The following GBE1 variants were observed in gnomAD, a reference collection of about 807,000 sequenced individuals.
GBE1 encodes the protein 1,4-alpha-glucan branching enzyme 1, also known as 1,4-alpha-glucan-branching enzyme.
A neutral mutation model predicts 88.8 loss-of-function variants in GBE1; 70 were observed. The observed-to-expected ratio is 0.79, with a 90% CI of 0.65 to 0.96. GBE1 has a LOEUF of 0.96. GBE1 is among the 40% of genes least tolerant of loss of function. The probability of loss-of-function intolerance (pLI) is 0.00; values close to 1 mark genes in which losing one functional copy is unlikely to be tolerated. For missense variants in GBE1, 872 were observed against 871.0 expected (o/e 1.00, Z -0.01); for synonymous variants, 284 against 300.1 (o/e 0.95, Z 0.56).
intron 11 of GBE1, 114 bp from the exon 12 acceptor site, chr3:81,578,210 G>T: frequency 1.4e-6 from 1 of 708,990 alleles, no homozygotes; most frequent in Non-Finnish European, 2.2e-6. Context: ...GAAGAGGTGT[G>T]TAGATTAATA....
chr3:81,552,521 A>T (rs1472051916), intron 12 of GBE1, among the ~76,000 whole-genome samples: 23 of 2,788 alleles, frequency 8.2e-3, no homozygotes, highest in East Asian at 0.038. Context: ...TATCTTATAT[A>T]AAAAAAAAAA....
intron 14 of GBE1, among the ~76,000 whole-genome samples, chr3:81,508,865 G>T (rs541975709): frequency 6.6e-6 from 1 of 152,162 alleles, no homozygotes; most frequent in Admixed American, 6.5e-5. Flanking sequence ...TGCTAACTGT[G>T]TGTCTCTGAG....
At chr3:81,674,210 A>G (rs2107119601) in intron 2 of GBE1, among the ~76,000 whole-genome samples, 1 of 151,974 alleles carries the variant, frequency 6.6e-6, no homozygotes, top group Non-Finnish European at 1.5e-5. Context: ...ATGGGCACCA[A>G]CCAGAATATC....
At chr3:81,687,702 T>C (rs182023840) in intron 2 of GBE1, among the ~76,000 whole-genome samples, 4 of 152,256 alleles carry the variant, frequency 2.6e-5, no homozygotes, top group South Asian at 2.1e-4. Flanking sequence ...TCCCAAAAGC[T>C]ATGCAAAAGC....
intron 7 of GBE1, among the ~76,000 whole-genome samples, chr3:81,598,947 C>A (rs1454900885): frequency 6.6e-6 from 1 of 151,890 alleles, no homozygotes; most frequent in Non-Finnish European, 1.5e-5. Context: ...ATTGTTTAAT[C>A]AGATTATATC....
chr3:81,588,693 C>A (rs1559654255), intron 9 of GBE1, among the ~76,000 whole-genome samples: 1 of 152,078 alleles, frequency 6.6e-6, no homozygotes. Flanking sequence ...GATGCCAGAC[C>A]GGTCATTCCT....
At chr3:81,511,356 C>CAAAAGAAACA (rs955668087) in intron 14 of GBE1, among the ~76,000 whole-genome samples, 1 of 151,858 alleles carries the variant, frequency 6.6e-6, no homozygotes, top group African/African-American at 2.4e-5. Context: ...TTCTGAACAG[C>CAAAAGAAACA]AAAAGAAACA....
intron 12 of GBE1, among the ~76,000 whole-genome samples, chr3:81,555,372 C>T (rs1002210706): frequency 5.3e-5 from 8 of 152,148 alleles, no homozygotes; most frequent in Non-Finnish European, 1.2e-4. Flanking sequence ...ATAAACTCTT[C>T]CATATGGCTA....
chr3:81,698,631 T>C (rs1173048302), intron 2 of GBE1, among the ~76,000 whole-genome samples: 1 of 152,174 alleles, frequency 6.6e-6, no homozygotes, highest in Non-Finnish European at 1.5e-5. Context: ...TATATAAAAT[T>C]ATGATATAGA....
At chr3:81,754,514 CA>C (rs61660989) in intron 1 of GBE1, among the ~76,000 whole-genome samples, 95 of 79,260 alleles carry the variant, frequency 1.2e-3, no homozygotes, top group Middle Eastern at 8.8e-3. Context: ...TAAATCTTAG[CA>C]AAAAAAAAAA....
At chr3:81,741,960 A>G (rs2107220688) in intron 1 of GBE1, among the ~76,000 whole-genome samples, 1 of 151,110 alleles carries the variant, frequency 6.6e-6, no homozygotes, top group East Asian at 1.9e-4. Context: ...AAATCTTGAT[A>G]CTATAAAAAG....
rs545253793 is a variant in GBE1, at chr3:81,533,745, A to C, written c.1934+1450T>G. 2.0e-5 allele frequency among the ~76,000 whole-genome samples: 3 copies of C among 152,160 alleles called. No individual in the cohort carries two copies. In the East Asian group the frequency reaches 5.8e-4, roughly 30 times the overall value. ...ATGTGAGACCCAACTCTGGTCAATA[A>C]AATATGAAAGAAATTTTGCTAAAGA... On this transcript the variant is annotated intron_variant, in intron 14 of 15. Coordinates refer to ENST00000429644, the MANE Select transcript of GBE1 (RefSeq NM_000158.4).
chr3:81,730,842 G>A (rs1232317736), intron 1 of GBE1, among the ~76,000 whole-genome samples: 2 of 152,158 alleles, frequency 1.3e-5, no homozygotes, highest in Admixed American at 1.3e-4. Flanking sequence ...CAGACATGGA[G>A]TCTGTAGCAA....
chr3:81,727,075 G>A (rs890380295), intron 1 of GBE1, among the ~76,000 whole-genome samples: 1 of 152,062 alleles, frequency 6.6e-6, no homozygotes, highest in Non-Finnish European at 1.5e-5. Flanking sequence ...GATACCCATA[G>A]TAACATCCAG....
At chr3:81,659,800 G>A (rs934012806) in intron 3 of GBE1, among the ~76,000 whole-genome samples, 2 of 152,126 alleles carry the variant, frequency 1.3e-5, no homozygotes, top group African/African-American at 4.8e-5. Flanking sequence ...GATCTTTTAA[G>A]AAAACATACA....
chr3:81,512,054 G>A (rs372100299), intron 14 of GBE1, among the ~76,000 whole-genome samples: 3 of 151,974 alleles, frequency 2.0e-5, no homozygotes, highest in East Asian at 1.9e-4. Flanking sequence ...CAACATGGAT[G>A]TAGCTAGAGG....
At chr3:81,503,570 T>C (rs1043788331) in intron 14 of GBE1, among the ~76,000 whole-genome samples, 1 of 152,038 alleles carries the variant, frequency 6.6e-6, no homozygotes, top group Non-Finnish European at 1.5e-5. Context: ...AGGAGAGACA[T>C]AGACTGAGTT....
chr3:81,613,236 A>C (rs1293627513), intron 7 of GBE1, among the ~76,000 whole-genome samples: 2 of 151,836 alleles, frequency 1.3e-5, no homozygotes, highest in African/African-American at 4.8e-5. Context: ...ATTTTGGAGA[A>C]AATACCTTGA....
At chr3:81,618,263 A>G (rs1704277396) in intron 7 of GBE1, among the ~76,000 whole-genome samples, 1 of 152,156 alleles carries the variant, frequency 6.6e-6, no homozygotes, top group Non-Finnish European at 1.5e-5. Flanking sequence ...ATAAACTTGT[A>G]AGAAATATCT....
Sources: allele counts gnomAD v4.1 joint callset (sites outside exome capture counted in the v4.1 genomes callset), GRCh38; gene constraint gnomAD v4.1.1; transcripts MANE v1.5; gene names NCBI Gene and HGNC (gene_info 2026-07-23, HGNC 2026-07-21).